Variants in SEMA5B observed in about 807,000 individuals in gnomAD.
SEMA5B encodes semaphorin 5B.
SEMA5B carries 66 observed loss-of-function variants against 135.0 expected under a neutral mutation model. That is an observed-to-expected ratio of 0.49 (90% CI 0.40 to 0.60). The LOEUF (loss-of-function observed/expected upper bound fraction) is 0.60. Ranked by LOEUF, SEMA5B falls within the 20% of genes least tolerant of loss-of-function variation. The pLI is 0.00. For synonymous variants in SEMA5B, 690 were observed against 639.5 expected (o/e 1.08, Z -1.19); for missense variants, 1,501 against 1,566.3 (o/e 0.96, Z 0.70).
At chr3:123,005,367 T>C (rs1560436318) in intron 1 of SEMA5B, among the ~76,000 whole-genome samples, 1 of 152,130 alleles carries the variant, frequency 6.6e-6, no homozygotes, top group Non-Finnish European at 1.5e-5. Context: ...ATGCTTATTA[T>C]TATTATTATT....
Position 122,915,474 on chromosome 3 carries a change from G to C in SEMA5B, c.1954C>G (p.Leu652Val). 1 of 1,613,326 alleles carries C rather than the reference G, an allele frequency of 6.2e-7. No homozygotes were observed. Among genetic ancestry groups the C allele is most frequent in the African/African-American group, 1.3e-5 (1 of 75,046 alleles). ...TTGGCGATGTGGATGGCTGGCCCCA[G>C]GCAGTCAAGGCCCCCACAGCGGGGT... ...PRPRCGGLDC[L>V]GPAIHIANCS... Residue 652 changes from leucine to valine, a missense_variant, in exon 14 of 23, where the codon CTG becomes GTG. Leu to Val is a conservative substitution (Grantham distance 32). Around this residue, in one of 2 missense-constraint regions of SEMA5B, gnomAD observed 927 missense variants for 881.6 expected, o/e 1.05. Transcript: ENST00000357599.
intron 3 of SEMA5B, among the ~76,000 whole-genome samples, chr3:122,947,411 C>T (rs1276210044): frequency 6.6e-6 from 1 of 152,058 alleles, no homozygotes; most frequent in Non-Finnish European, 1.5e-5. Context: ...CTCATTCATA[C>T]TGCCTCTCCC....
chr3:122,985,642 C>A (rs879606236), intron 1 of SEMA5B, among the ~76,000 whole-genome samples: 8 of 152,056 alleles, frequency 5.3e-5, no homozygotes, highest in Non-Finnish European at 1.2e-4. Context: ...ATAGATCTAC[C>A]CCCAGAAAGC....
rs151278565 is a variant in SEMA5B, at chr3:122,960,495, G to A, written c.124+645C>T. Among the ~76,000 whole-genome samples, 7 of 152,342 alleles carry A rather than the reference G, an allele frequency of 4.6e-5. No homozygotes were observed. In the East Asian group the frequency reaches 1.3e-3, roughly 29 times the overall value. ...GGGTATATACCCACAAGAACCAGAAGTAGGATATCGAAGAAATATTTGTAC... is the reference window on the plus strand; with the variant it reads ...GGGTATATACCCACAAGAACCAGAAATAGGATATCGAAGAAATATTTGTAC... On this transcript the variant is annotated intron_variant, in intron 2 of 22. Transcript: ENST00000357599.
At chr3:122,958,665 C>T (rs982664399) in intron 2 of SEMA5B, among the ~76,000 whole-genome samples, 3 of 152,162 alleles carry the variant, frequency 2.0e-5, no homozygotes, top group African/African-American at 7.2e-5. Flanking sequence ...CCTTTTAGAC[C>T]ATCTGGGGGA....
chr3:122,988,582 G>A (rs550853561), intron 1 of SEMA5B, among the ~76,000 whole-genome samples: 70 of 152,230 alleles, frequency 4.6e-4, no homozygotes, highest in Non-Finnish European at 9.4e-4. Context: ...GGGACACTGG[G>A]GAGCCTCCTG....
At chr3:123,022,387 G>T (rs772008782) in intron 1 of SEMA5B, among the ~76,000 whole-genome samples, 2 of 152,172 alleles carry the variant, frequency 1.3e-5, no homozygotes, top group Admixed American at 1.3e-4. Context: ...AGTTCCATGC[G>T]CAAGTCTGAT....
chr3:123,010,899 C>A (rs72972448), intron 1 of SEMA5B, among the ~76,000 whole-genome samples: 2 of 152,016 alleles, frequency 1.3e-5, no homozygotes, highest in African/African-American at 2.4e-5. Flanking sequence ...ACTCACCACC[C>A]CAAACCTCTA....
chr3:122,954,474 C>T (rs1436866470), intron 2 of SEMA5B, among the ~76,000 whole-genome samples: 2 of 152,210 alleles, frequency 1.3e-5, no homozygotes, highest in African/African-American at 2.4e-5. Flanking sequence ...AGTCTGTCCT[C>T]GCCTTCCTCC....
At chr3:122,984,974 A>G (rs142696267) in intron 1 of SEMA5B, among the ~76,000 whole-genome samples, 100 of 152,324 alleles carry the variant, frequency 6.6e-4, no homozygotes, top group African/African-American at 2.3e-3. Flanking sequence ...ACTTTTTAGA[A>G]TGAATAAAGT....
chr3:122,971,377 C>A (rs1382108583), intron 1 of SEMA5B, among the ~76,000 whole-genome samples: 1 of 152,236 alleles, frequency 6.6e-6, no homozygotes, highest in Non-Finnish European at 1.5e-5. Context: ...ACCAAAGGGA[C>A]TATGGGAATC....
At chr3:123,028,436 G>C (rs1942859888), upstream of SEMA5B, 1 of 152,286 alleles carries the variant, frequency 6.6e-6, no homozygotes, top group South Asian at 2.1e-4. Flanking sequence ...ACTGGGGTTA[G>C]TAATACGCAC....
Position 122,913,599 on chromosome 3 carries a change from C to T in SEMA5B, c.2215G>A (p.Gly739Arg). Residue 739 changes from glycine (G) to arginine (R), a missense_variant, in exon 16 of 23, where the codon GGA becomes AGA. Coordinates refer to ENST00000357599, the MANE Select transcript of SEMA5B (RefSeq NM_001031702.4). ...CGACGCCGCGACTGCATGCCCCCTC[C>T]ACAGTTGCTGCTGCACTTGCTCCAG... ...GSWSKCSSNC[G>R]GGMQSRRRAC... 6.2e-7 allele frequency: 1 copy of T among 1,613,476 alleles called. No individual in the cohort carries two copies. Among genetic ancestry groups the T allele is most frequent in the East Asian group, 2.2e-5 (1 of 44,860 alleles).
At chr3:122,925,871 G>A (rs1938605884) in intron 9 of SEMA5B, among the ~76,000 whole-genome samples, 1 of 151,832 alleles carries the variant, frequency 6.6e-6, no homozygotes, top group African/African-American at 2.4e-5. Context: ...GGTGGGAGGA[G>A]GGTCCCATGA....
intron 2 of SEMA5B, among the ~76,000 whole-genome samples, chr3:122,958,533 C>A (rs1576366897): frequency 6.6e-6 from 1 of 152,264 alleles, no homozygotes; most frequent in East Asian, 1.9e-4. Flanking sequence ...CCCACCCACA[C>A]ATCACTCACC....
rs564343958 is a variant in SEMA5B, at chr3:122,921,898, G to T, written c.1688+17C>A. Reference sequence around the variant, plus strand: ...CTCCGCAGTGGAGGCCTCGGGAGCCGCCCCGTCCCGGCTTACCCCTGGCTG... The same window carrying T: ...CTCCGCAGTGGAGGCCTCGGGAGCCTCCCCGTCCCGGCTTACCCCTGGCTG... On this transcript the variant is annotated intron_variant, in intron 12 of 22. Transcript: ENST00000357599. The T allele has an allele frequency of 3.9e-6, 6 of 1,522,736 alleles. No individual in the cohort carries two copies. Among genetic ancestry groups the T allele is most frequent in the East Asian group, 2.5e-5 (1 of 40,382 alleles). The allele number at this position is 1,522,736 out of a possible 1,614,324, so 94.3% of individuals were successfully genotyped here.
chr3:122,975,417 C>T (rs1366948199), intron 1 of SEMA5B: 1 of 153,616 alleles, frequency 6.5e-6, no homozygotes, highest in Non-Finnish European at 1.5e-5. Context: ...TCCCACTTCT[C>T]CTCCCCACCA....
chr3:122,944,796 A>G (rs963456212), intron 3 of SEMA5B, among the ~76,000 whole-genome samples: 1 of 152,196 alleles, frequency 6.6e-6, no homozygotes, highest in African/African-American at 2.4e-5. Context: ...CTTGATTCAC[A>G]GCCTCCTGAT....
chr3:122,915,398 C>T, intron 14 of SEMA5B, 42 bp downstream of exon 14: 1 of 1,555,530 alleles, frequency 6.4e-7, no homozygotes, highest in Non-Finnish European at 8.7e-7. Context: ...TCTCCCCACC[C>T]TGGTCCAAGG....
Sources: gnomAD v4.1 joint callset for allele counts (sites outside exome capture counted in the v4.1 genomes callset) on GRCh38, gnomAD v4.1.1 for gene constraint, gnomAD v4.1.1 regional missense constraint, MANE v1.5 for transcripts, NCBI Gene and HGNC (gene_info 2026-07-23, HGNC 2026-07-21) for gene names.